Variants in MOB1B observed in about 807,000 individuals in gnomAD.
The protein encoded by MOB1B is MOB kinase activator 1B, also known as MOB1 Mps One Binder homolog B.
In MOB1B, 19 loss-of-function variants were observed where a neutral mutation model predicts 24.4. The observed-to-expected ratio is 0.78, with a 90% CI of 0.54 to 1.14. MOB1B has a LOEUF of 1.14. Ranked by LOEUF, MOB1B falls within the 50% of genes most tolerant of loss-of-function variation. The probability of loss-of-function intolerance (pLI) is 0.00; values close to 1 mark genes in which losing one functional copy is unlikely to be tolerated. For missense variants in MOB1B, 243 were observed against 259.6 expected, an observed-to-expected ratio of 0.94 and a Z score of 0.44; for synonymous variants, 76 against 82.1, an observed-to-expected ratio of 0.93 and a Z score of 0.40.
intron 2 of MOB1B, among the ~76,000 whole-genome samples, chr4:70,960,103 C>T (rs937423497): frequency 2.0e-5 from 3 of 151,952 alleles, no homozygotes; most frequent in Non-Finnish European, 4.4e-5. Flanking sequence ...AGGCTGGTCT[C>T]GAACTCCTGA....
rs533695143 is a variant in MOB1B at position 70,930,069 on chromosome 4, A to G, written c.14+27519A>G. Among the ~76,000 whole-genome samples the G allele has an allele frequency of 3.9e-5, 6 of 152,302 alleles. No individual in the cohort carries two copies. In the South Asian group the frequency reaches 6.2e-4, roughly 16 times the overall value. Reference sequence around the variant, plus strand: ...CGTGCCTGGCCAGAATGAAGTTTTAAAATTTAAAATTTAGATTTAAAATGA... The same window carrying G: ...CGTGCCTGGCCAGAATGAAGTTTTAGAATTTAAAATTTAGATTTAAAATGA... On this transcript the variant is annotated intron_variant, in intron 1 of 5. Transcript: ENST00000309395.
intron 2 of MOB1B, among the ~76,000 whole-genome samples, chr4:70,967,567 T>C (rs1218017329): frequency 1.3e-5 from 2 of 152,290 alleles, no homozygotes; most frequent in African/African-American, 4.8e-5. Flanking sequence ...AAATCCCTTT[T>C]TGGAAAAGAA....
chr4:70,908,910 G>T (rs1735866637), intron 1 of MOB1B, among the ~76,000 whole-genome samples: 1 of 148,898 alleles, frequency 6.7e-6, no homozygotes, highest in Non-Finnish European at 1.5e-5. Flanking sequence ...AAGTAGCTGG[G>T]CGTAGTGGCG....
At chr4:70,977,035 TTGAGAG>T (rs1348212148) in intron 4 of MOB1B, among the ~76,000 whole-genome samples, 1 of 151,968 alleles carries the variant, frequency 6.6e-6, no homozygotes, top group African/African-American at 2.4e-5. Context: ...CCTAAACTGT[TTGAGAG>T]TAAGTTGCGT....
rs777463351 is a variant in MOB1B at position 70,956,381 on chromosome 4, G to C, written c.15-2493G>C. Among the ~76,000 whole-genome samples the C allele has an allele frequency of 2.4e-4, 36 of 152,016 alleles. 1 individual carries two copies. The highest frequency in any genetic ancestry group is 2.0e-3 in the Admixed American group (31 of 15,264). ...AGGTTCAGGCGATCCTCCCACCTCG[G>C]CCTCCCAAAGTGCTGGTATTACAGG... is the stretch of plus-strand genomic sequence containing the variant. On this transcript the variant is annotated intron_variant, in intron 1 of 5. Coordinates refer to ENST00000309395, the MANE Select transcript of MOB1B (RefSeq NM_173468.4).
intron 1 of MOB1B, among the ~76,000 whole-genome samples, chr4:70,957,999 G>A (rs1055938808): frequency 1.3e-5 from 2 of 151,880 alleles, no homozygotes; most frequent in African/African-American, 4.8e-5. Context: ...CACATAGGCT[G>A]TGTGTGTTTG....
chr4:70,929,459 C>G (rs182232276), intron 1 of MOB1B, among the ~76,000 whole-genome samples: 2 of 152,078 alleles, frequency 1.3e-5, no homozygotes, highest in South Asian at 2.1e-4. Context: ...AGGTGTGAGC[C>G]ACTGCATCTG....
At chr4:70,947,889 G>A (rs376764448) in intron 1 of MOB1B, among the ~76,000 whole-genome samples, 4 of 152,130 alleles carry the variant, frequency 2.6e-5, no homozygotes, top group African/African-American at 4.8e-5. Flanking sequence ...GATTACTGCC[G>A]TGCACCACTG....
chr4:70,959,015 T>G lies in MOB1B; in HGVS notation c.156T>G (p.Asp52Glu). Residue 52 changes from aspartate to glutamate, a missense_variant, in exon 2 of 6, where the codon GAT (aspartate) becomes GAG (glutamate). By Grantham distance (45) the Asp-to-Glu change is conservative. Transcript: ENST00000309395. ...CTGTCATGCTTCCTGAAGGGGAAGATCTCAATGAATGGGTTGCAGTTAACA... is the reference window on the plus strand; with the variant it reads ...CTGTCATGCTTCCTGAAGGGGAAGAGCTCAATGAATGGGTTGCAGTTAACA... Reference protein sequence around the residue: ...RMAVMLPEGEDLNEWVAVNTV... With the variant: ...RMAVMLPEGEELNEWVAVNTV... 6.2e-7 allele frequency: 1 copy of G among 1,614,032 alleles called. No homozygotes were observed. The highest frequency in any genetic ancestry group is 8.5e-7 in the Non-Finnish European group (1 of 1,179,990).
chr4:70,957,311 C>T (rs1560654934), intron 1 of MOB1B, among the ~76,000 whole-genome samples: 1 of 149,140 alleles, frequency 6.7e-6, no homozygotes, highest in Non-Finnish European at 1.5e-5. Flanking sequence ...TCTCCAGCCT[C>T]TTTTTTTCCA....
chr4:70,975,423 C>A, intron 4 of MOB1B, 137 bp downstream of exon 4: 2 of 1,357,712 alleles, frequency 1.5e-6, no homozygotes, highest in South Asian at 2.0e-5. Flanking sequence ...TTACGCAGTT[C>A]CCAAGAAGAG....
chr4:70,933,542 CTTTTTTTTTTTTT>C (rs34950388), intron 1 of MOB1B, among the ~76,000 whole-genome samples: 12 of 91,616 alleles, frequency 1.3e-4, no homozygotes, highest in Middle Eastern at 6.1e-3. Flanking sequence ...AAAAATAACT[CTTTTTTTTTTTTT>C]TTTTTTTTTT....
chr4:70,918,336 T>C lies in MOB1B; in HGVS notation c.14+15786T>C, dbSNP rs890284653. ...GTAAAAGTGTTCCTATTTCTCCACA[T>C]CCTCTCCAGCACCTGTTGTTTCCTG... On this transcript the variant is annotated intron_variant, in intron 1 of 5. Coordinates refer to ENST00000309395, the MANE Select transcript of MOB1B (RefSeq NM_173468.4). Among the ~76,000 whole-genome samples, 35 of 151,374 alleles carry C rather than the reference T, an allele frequency of 2.3e-4. 1 individual carries two copies. The highest frequency in any genetic ancestry group is 8.5e-4 in the African/African-American group (35 of 41,208).
intron 2 of MOB1B, among the ~76,000 whole-genome samples, chr4:70,960,695 T>C (rs1738269441): frequency 2.0e-5 from 3 of 152,222 alleles, no homozygotes; most frequent in Admixed American, 1.3e-4. Flanking sequence ...AATAAAGTGA[T>C]TTGTTTGCTT....
intron 1 of MOB1B, among the ~76,000 whole-genome samples, chr4:70,922,871 A>G (rs531742331): frequency 6.6e-6 from 1 of 152,274 alleles, no homozygotes; most frequent in South Asian, 2.1e-4. Context: ...ATACACACAC[A>G]CAAACGAAGA....
chr4:70,902,869 G>T (rs1317717347), intron 1 of MOB1B, among the ~76,000 whole-genome samples: 6 of 152,158 alleles, frequency 3.9e-5, no homozygotes, highest in Non-Finnish European at 8.8e-5. Flanking sequence ...GGGCTTGTTT[G>T]TGCGCTTCTC....
At chr4:70,903,997 T>TTC (rs386400438) in intron 1 of MOB1B, among the ~76,000 whole-genome samples, 6 of 145,938 alleles carry the variant, frequency 4.1e-5, no homozygotes, top group Non-Finnish European at 9.0e-5. Context: ...TTTTTTTTTT[T>TTC]TGAGACGGAG....
chr4:70,965,176 A>T (rs773211894), intron 2 of MOB1B, among the ~76,000 whole-genome samples: 29 of 151,362 alleles, frequency 1.9e-4, no homozygotes, highest in Non-Finnish European at 4.0e-4. Context: ...AGGTGCTTGT[A>T]ATCCTACCTG....
chr4:70,968,277 G>A (rs1237848325), intron 2 of MOB1B, among the ~76,000 whole-genome samples: 1 of 152,298 alleles, frequency 6.6e-6, no homozygotes, highest in East Asian at 1.9e-4. Context: ...TTTTGGGTAT[G>A]ACATGAGTGA....
Sources: allele counts gnomAD v4.1 joint callset (sites outside exome capture counted in the v4.1 genomes callset), GRCh38; gene constraint gnomAD v4.1.1; transcripts MANE v1.5; gene names NCBI Gene and HGNC (gene_info 2026-07-23, HGNC 2026-07-21).